Variants in NDUFAF5 observed in about 807,000 individuals in gnomAD.
NDUFAF5 encodes the protein NADH:ubiquinone oxidoreductase complex assembly factor 5.
Under a neutral mutation model 48.9 loss-of-function variants are expected in NDUFAF5, and 34 were observed. The observed-to-expected ratio is 0.70, with a 90% confidence interval of 0.53 to 0.93. The LOEUF (loss-of-function observed/expected upper bound fraction) is 0.93. Ranked by LOEUF, NDUFAF5 falls within the 40% of genes least tolerant of loss-of-function variation. The pLI is 0.00. For missense variants in NDUFAF5, 428 were observed against 427.5 expected (o/e 1.00, Z -0.01); for synonymous variants, 153 against 150.6 (o/e 1.02, Z -0.12).
At chr20:13,808,480 G>T (rs1985393973) in intron 7 of NDUFAF5, among the ~76,000 whole-genome samples, 1 of 152,094 alleles carries the variant, frequency 6.6e-6, no homozygotes, top group South Asian at 2.1e-4. Flanking sequence ...ACTGTCCAGG[G>T]ACATGTAGTC....
intron 5 of NDUFAF5, among the ~76,000 whole-genome samples, chr20:13,798,055 A>G (rs1466607356): frequency 6.6e-6 from 1 of 152,218 alleles, no homozygotes; most frequent in Non-Finnish European, 1.5e-5. Context: ...TTAGAATAAT[A>G]CTATATTTCT....
chr20:13,792,685 G>A (rs1015484782), intron 3 of NDUFAF5, among the ~76,000 whole-genome samples: 4 of 152,148 alleles, frequency 2.6e-5, no homozygotes, highest in African/African-American at 9.7e-5. Flanking sequence ...AGAAAAGAGG[G>A]CTGAGGGGGA....
At chr20:13,813,906 T>G (rs1488075823) in intron 8 of NDUFAF5, among the ~76,000 whole-genome samples, 1 of 152,120 alleles carries the variant, frequency 6.6e-6, no homozygotes, top group African/African-American at 2.4e-5. Flanking sequence ...CTTCTAGATT[T>G]TTTTCAGATT....
At position 13,818,215 on chromosome 20, in the gene NDUFAF5, T is replaced by G; in HGVS notation, c.*1005T>G. On this transcript the variant is annotated 3_prime_UTR_variant, in exon 11 of 11. Coordinates refer to ENST00000378106, the MANE Select transcript of NDUFAF5 (RefSeq NM_024120.5). ...TTAGCCTGTACGTAGCACATGGGAC[T>G]TTCCACATAGTAGATATTCAGTTAC... 2.2e-6 allele frequency: 1 copy of G among 454,132 alleles called. No homozygotes were observed. The highest frequency in any genetic ancestry group is 2.0e-5 in the African/African-American group (1 of 50,138). 28.1% of individuals were successfully genotyped at this position (454,132 alleles called of 1,614,324 possible).
chr20:13,803,307 C>G (rs976422425), intron 7 of NDUFAF5: 1 of 152,110 alleles, frequency 6.6e-6, no homozygotes, highest in African/African-American at 2.4e-5. Flanking sequence ...TTTAAATGGC[C>G]TGAGTCCATA....
At position 13,798,232 on chromosome 20, in the gene NDUFAF5, C is replaced by G. The variant is rs2254128; in HGVS notation, c.480-229C>G. ...TAATCATATCAGATTCTTTCAGTTA[C>G]GCAAAGTGATATATTGACATGGGGA... On this transcript the variant is annotated intron_variant, in intron 5 of 10. Transcript: ENST00000378106. Among the ~76,000 whole-genome samples the G allele has an allele frequency of 0.4, 61,264 of 151,992 alleles. 12,661 individuals carry two copies. Among genetic ancestry groups the G allele is most frequent in the East Asian group, 0.53 (2,722 of 5,174 alleles).
chr20:13,793,184 C>A lies in NDUFAF5; in HGVS notation c.332C>A (p.Thr111Asn), dbSNP rs1384892429. The A allele has an allele frequency of 1.9e-6, 3 of 1,613,944 alleles. No homozygotes were observed. The highest frequency in any genetic ancestry group is 2.5e-6 in the Non-Finnish European group (3 of 1,179,954). ...GCTTCAGTTATTCCATTGCAGGAAA[C>A]TATTGGAAAGTTTTTCCAAGCTGAC... is the stretch of plus-strand genomic sequence containing the variant. ...GYIAQYLNKETIGKFFQADIA... is the reference protein window; with the variant it reads ...GYIAQYLNKENIGKFFQADIA... Residue 111 changes from threonine (T) to asparagine (N), a missense_variant, in exon 4 of 11, where the codon ACT (threonine) becomes AAT (asparagine). Coordinates refer to ENST00000378106, the MANE Select transcript of NDUFAF5 (RefSeq NM_024120.5).
intron 8 of NDUFAF5, among the ~76,000 whole-genome samples, chr20:13,812,447 C>T (rs928655094): frequency 2.0e-5 from 3 of 152,150 alleles, no homozygotes; most frequent in African/African-American, 7.2e-5. Context: ...TGATATATCA[C>T]TCGGGCTCTA....
At chr20:13,810,195 A>G (rs1985669644) in intron 8 of NDUFAF5, among the ~76,000 whole-genome samples, 1 of 152,178 alleles carries the variant, frequency 6.6e-6, no homozygotes, top group South Asian at 2.1e-4. Flanking sequence ...GTGGCTTGGT[A>G]CTGAGGCTTT....
chr20:13,808,916 A>G lies in NDUFAF5; in HGVS notation c.778+14A>G. 1 of 1,573,228 alleles carries G rather than the reference A, an allele frequency of 6.4e-7. No homozygotes were observed. Among genetic ancestry groups the G allele is most frequent in the Non-Finnish European group, 8.7e-7 (1 of 1,142,924 alleles). ...AAGATTTACAAGGTAAGGCACTTTA[A>G]AGAATTTTTAGACTCCATTGGGAAA... is the stretch of plus-strand genomic sequence containing the variant. On this transcript the variant is annotated intron_variant, in intron 8 of 10. Transcript: ENST00000378106.
At chr20:13,809,679 A>G (rs1985581757) in intron 8 of NDUFAF5, among the ~76,000 whole-genome samples, 1 of 152,238 alleles carries the variant, frequency 6.6e-6, no homozygotes, top group African/African-American at 2.4e-5. Flanking sequence ...AGGTAACAGT[A>G]TCAGACTTGG....
At chr20:13,788,735 T>A in intron 3 of NDUFAF5, 83 bp downstream of exon 3, 1 of 883,600 alleles carries the variant, frequency 1.1e-6, no homozygotes, top group Non-Finnish European at 1.8e-6. Context: ...CAGTTTAGCT[T>A]GCAACATATT....
In NDUFAF5 at chr20:13,816,519, A is replaced by T; in HGVS notation, c.835A>T (p.Met279Leu). 6.2e-7 allele frequency: 1 copy of T among 1,614,072 alleles called. No individual in the cohort carries two copies. Among genetic ancestry groups the T allele is most frequent in the East Asian group, 2.2e-5 (1 of 44,866 alleles). The change falls in exon 9 of 11, where the codon ATG (methionine) becomes TTG (leucine). Residue 279 changes from methionine to leucine, a missense_variant. By Grantham distance (15) the Met-to-Leu change is conservative. Coordinates refer to ENST00000378106, the MANE Select transcript of NDUFAF5 (RefSeq NM_024120.5). Reference protein sequence around the residue: ...NRKALLHRDTMLAAAAVYREM... With the variant: ...NRKALLHRDTLLAAAAVYREM... ...AAAAGCCCTGCTGCATCGAGACACA[A>T]TGCTGGCAGCTGCGGCAGTGTACAG...
intron 8 of NDUFAF5, among the ~76,000 whole-genome samples, chr20:13,815,764 C>T (rs1481475535): frequency 6.6e-6 from 1 of 152,072 alleles, no homozygotes. Flanking sequence ...TTAAAATATG[C>T]TCAAAGTAAA....
intron 8 of NDUFAF5, among the ~76,000 whole-genome samples, chr20:13,810,661 T>C (rs1478262883): frequency 6.6e-6 from 1 of 151,876 alleles, no homozygotes; most frequent in East Asian, 1.9e-4. Flanking sequence ...ACTAGAAGAA[T>C]CTAAGTGCTT....
chr20:13,786,942 A>C (rs1981268331), intron 1 of NDUFAF5, among the ~76,000 whole-genome samples: 1 of 152,120 alleles, frequency 6.6e-6, no homozygotes, highest in African/African-American at 2.4e-5. Flanking sequence ...ACCCCAACTA[A>C]CTAATTTTTC....
intron 3 of NDUFAF5, among the ~76,000 whole-genome samples, chr20:13,791,299 C>A (rs548915279): frequency 1.3e-5 from 2 of 152,322 alleles, no homozygotes; most frequent in South Asian, 4.1e-4. Context: ...TCTGTGTATA[C>A]TCAGACCTTG....
At position 13,797,149 on chromosome 20, in the gene NDUFAF5, C is replaced by T. The variant is rs192516359; in HGVS notation, c.480-1312C>T. 4.0e-4 allele frequency among the ~76,000 whole-genome samples: 61 copies of T among 152,230 alleles called. 2 individuals are homozygous for T. Among genetic ancestry groups the T allele is most frequent in the Admixed American group, 2.9e-3 (45 of 15,294 alleles). On this transcript the variant is annotated intron_variant, in intron 5 of 10. Coordinates refer to ENST00000378106, the MANE Select transcript of NDUFAF5 (RefSeq NM_024120.5). Reference sequence around the variant, plus strand: ...GTGGAGTTCATTATTGGTGGGAATGCGAAATGGTACAGGCACTTTGCAAGA... The same window carrying T: ...GTGGAGTTCATTATTGGTGGGAATGTGAAATGGTACAGGCACTTTGCAAGA...
intron 7 of NDUFAF5, among the ~76,000 whole-genome samples, chr20:13,802,404 C>CA (rs2147558220): frequency 6.6e-6 from 1 of 152,214 alleles, no homozygotes; most frequent in South Asian, 2.1e-4. Flanking sequence ...TGCGGTGGCT[C>CA]ACGCCTGTAA....
Sources: allele counts gnomAD v4.1 joint callset (sites outside exome capture counted in the v4.1 genomes callset), GRCh38; gene constraint gnomAD v4.1.1; transcripts MANE v1.5; gene names NCBI Gene and HGNC (gene_info 2026-07-23, HGNC 2026-07-21).